EFCAB6: variants seen among roughly 807,000 people sequenced by gnomAD.
EFCAB6 encodes EF-hand calcium binding domain 6, also known as EF-hand calcium-binding domain-containing protein 6.
A neutral mutation model predicts 169.8 loss-of-function variants in EFCAB6; 156 were observed. That is an observed-to-expected ratio of 0.92 (90% CI 0.81 to 1.05). The LOEUF (loss-of-function observed/expected upper bound fraction) is 1.05. Among genes scored for constraint, EFCAB6 ranks in the 50% least tolerant of loss-of-function variants. The pLI is 0.00. For missense variants in EFCAB6, 1,800 were observed against 1,829.1 expected, an observed-to-expected ratio of 0.98 and a Z score of 0.29; for synonymous variants, 698 against 676.4, an observed-to-expected ratio of 1.03 and a Z score of -0.50.
intron 10 of EFCAB6, among the ~76,000 whole-genome samples, chr22:43,707,098 G>A (rs2058986930): frequency 6.6e-6 from 1 of 152,290 alleles, no homozygotes; most frequent in African/African-American, 2.4e-5. Context: ...TAGCAACCCT[G>A]AAATCTAGTG....
At chr22:43,691,810 T>C (rs887158017) in intron 10 of EFCAB6, among the ~76,000 whole-genome samples, 1 of 152,140 alleles carries the variant, frequency 6.6e-6, no homozygotes, top group Non-Finnish European at 1.5e-5. Context: ...ATAATCACGA[T>C]AAAATCTGGA....
At chr22:43,585,041 T>C (rs910657800) in intron 24 of EFCAB6, among the ~76,000 whole-genome samples, 2 of 152,242 alleles carry the variant, frequency 1.3e-5, no homozygotes, top group African/African-American at 4.8e-5. Flanking sequence ...AGTTCCTGTC[T>C]GGCTTTTGAC....
At chr22:43,776,822 C>T (rs1257175514) in intron 3 of EFCAB6, among the ~76,000 whole-genome samples, 1 of 152,120 alleles carries the variant, frequency 6.6e-6, no homozygotes, top group Non-Finnish European at 1.5e-5. Context: ...CTTCAAAGTG[C>T]AATGGAAAGG....
intron 10 of EFCAB6, among the ~76,000 whole-genome samples, chr22:43,706,171 A>G (rs2058952106): frequency 6.6e-6 from 1 of 152,226 alleles, no homozygotes; most frequent in South Asian, 2.1e-4. Context: ...AATATTTTTT[A>G]ACTGCCAACT....
At position 43,744,381 on chromosome 22, in the gene EFCAB6, G is replaced by A. The variant is rs2060489334; in HGVS notation, c.508-8388C>T. Among the ~76,000 whole-genome samples the A allele has an allele frequency of 6.6e-6, 1 of 152,204 alleles. No homozygotes were observed. Among genetic ancestry groups the A allele is most frequent in the Non-Finnish European group, 1.5e-5 (1 of 68,042 alleles). On this transcript the variant is annotated intron_variant, in intron 6 of 31. Transcript: ENST00000262726. This position sits in a 1 kb window ranked among gnomAD's most constrained non-coding sequence, Gnocchi z 4.3. ...CATTTCCCAGTGGATTCAGTGATCTGCTCTGCACCTACCTGGGAAGAGGAA... is the reference window on the plus strand; with the variant it reads ...CATTTCCCAGTGGATTCAGTGATCTACTCTGCACCTACCTGGGAAGAGGAA...
At chr22:43,578,740 C>T (rs112359023) in intron 25 of EFCAB6, among the ~76,000 whole-genome samples, 1 of 151,344 alleles carries the variant, frequency 6.6e-6, no homozygotes, top group East Asian at 2.0e-4. Flanking sequence ...GCATCATTCC[C>T]TACACACAGG....
At chr22:43,703,573 C>G (rs759519656) in intron 10 of EFCAB6, among the ~76,000 whole-genome samples, 3 of 148,644 alleles carry the variant, frequency 2.0e-5, no homozygotes, top group Non-Finnish European at 4.5e-5. Flanking sequence ...ATTCAGTGAG[C>G]TACAAGAATA....
chr22:43,802,263 C>T (rs1328469912), intron 2 of EFCAB6, among the ~76,000 whole-genome samples: 2 of 152,136 alleles, frequency 1.3e-5, no homozygotes, highest in Admixed American at 1.3e-4. Flanking sequence ...AGCTGGGTGG[C>T]TCACGCCTGT....
intron 1 of EFCAB6, among the ~76,000 whole-genome samples, chr22:43,811,860 G>GA (rs1208844706): frequency 1.3e-5 from 2 of 152,178 alleles, no homozygotes; most frequent in Non-Finnish European, 2.9e-5. Flanking sequence ...TTTCCCAGCT[G>GA]ATTCTCACAG....
At chr22:43,578,792 ATCATTCCCTACATGCAG>A in intron 25 of EFCAB6, among the ~76,000 whole-genome samples, 1 of 96,170 alleles carries the variant, frequency 1.0e-5, no homozygotes, top group Non-Finnish European at 2.4e-5. Context: ...ACACGCAGGC[ATCATTCCCTACATGCAG>A]GCATCATTCC....
At chr22:43,597,927 T>G (rs775643565) in intron 23 of EFCAB6, among the ~76,000 whole-genome samples, 46 of 152,146 alleles carry the variant, frequency 3.0e-4, no homozygotes, top group Non-Finnish European at 5.0e-4. Context: ...CACAGCAAGA[T>G]GGACAGAACT....
chr22:43,589,386 G>T (rs1369679102), intron 24 of EFCAB6, among the ~76,000 whole-genome samples: 2 of 150,392 alleles, frequency 1.3e-5, no homozygotes, highest in Non-Finnish European at 2.9e-5. Flanking sequence ...TTGACTTTGG[G>T]TAGTGAAATA....
chr22:43,784,644 C>CAT (rs1346854618), intron 2 of EFCAB6, among the ~76,000 whole-genome samples: 1 of 81,472 alleles, frequency 1.2e-5, no homozygotes, highest in Non-Finnish European at 2.4e-5. Flanking sequence ...TATATGTACA[C>CAT]ATATATATGT....
At position 43,765,304 on chromosome 22, in the gene EFCAB6, C is replaced by A; in HGVS notation, c.440+1G>T. On this transcript the variant is annotated splice_donor_variant, in intron 5 of 31. Transcript: ENST00000262726. LOFTEE classifies it high-confidence loss of function. ...TTCACATGAGCAAACCAAACACTTA[C>A]CTCTTTATACCATTTATATATAGGT... 6.2e-7 allele frequency: 1 copy of A among 1,609,396 alleles called. No homozygotes were observed. The highest frequency in any genetic ancestry group is 1.1e-5 in the South Asian group (1 of 90,868).
chr22:43,793,975 G>C (rs1026521728), intron 2 of EFCAB6, among the ~76,000 whole-genome samples: 2 of 151,988 alleles, frequency 1.3e-5, no homozygotes, highest in Non-Finnish European at 2.9e-5. Context: ...CTTTAAAACG[G>C]TGGTTCTCAA....
chr22:43,672,672 A>T (rs567298104), intron 13 of EFCAB6, among the ~76,000 whole-genome samples: 14 of 152,308 alleles, frequency 9.2e-5, no homozygotes, highest in Admixed American at 2.6e-4. Flanking sequence ...AACAATGCAC[A>T]CTGGGGCCTA....
At chr22:43,775,125 C>G (rs1850363818) in intron 3 of EFCAB6, among the ~76,000 whole-genome samples, 1 of 151,956 alleles carries the variant, frequency 6.6e-6, no homozygotes, top group African/African-American at 2.4e-5. Flanking sequence ...TCTACAGACT[C>G]CTCTGATTGG....
intron 26 of EFCAB6, among the ~76,000 whole-genome samples, chr22:43,567,580 C>G (rs180786412): frequency 3.9e-5 from 6 of 152,292 alleles, no homozygotes; most frequent in Admixed American, 3.3e-4. Context: ...ACACACCAAA[C>G]AGTTCTCATT....
chr22:43,687,468 T>G lies in EFCAB6; in HGVS notation c.1142+3A>C, dbSNP rs771125827. ...ATTTGTTTTTTTTTTTTTTTTTACA[T>G]ACCTATTTCTTTTTGTCAGGGGACC... On this transcript the variant is annotated splice_donor_region_variant and intron_variant, in intron 11 of 31. Coordinates refer to ENST00000262726, the MANE Select transcript of EFCAB6 (RefSeq NM_022785.4). 3.0e-6 allele frequency: 3 copies of G among 1,012,744 alleles called. No homozygotes were observed. The South Asian group carries it at 5.1e-5, about 17-fold the overall frequency. The allele number at this position is 1,012,744 out of a possible 1,614,324, so 62.7% of individuals were successfully genotyped here.
Sources: gnomAD v4.1 joint callset for allele counts (sites outside exome capture counted in the v4.1 genomes callset) on GRCh38, gnomAD v4.1.1 for gene constraint, Gnocchi (gnomAD v3.1) non-coding constraint, MANE v1.5 for transcripts, NCBI Gene and HGNC (gene_info 2026-07-23, HGNC 2026-07-21) for gene names.